LSAMP: variants seen among roughly 807,000 people sequenced by gnomAD.
The protein encoded by LSAMP is limbic system-associated membrane protein.
A neutral mutation model predicts 38.6 loss-of-function variants in LSAMP; 7 were observed. That is an observed-to-expected ratio of 0.18 (90% CI 0.10 to 0.34). The LOEUF is 0.34. Among genes scored for constraint, LSAMP ranks in the 10% least tolerant of loss-of-function variants. The pLI is 1.00. For synonymous variants in LSAMP, 154 were observed against 166.8 expected (o/e 0.92, Z 0.59); for missense variants, 313 against 420.0 (o/e 0.75, Z 2.23).
chr3:116,163,313 A>G (rs1412705607), intron 1 of LSAMP, among the ~76,000 whole-genome samples: 1 of 147,350 alleles, frequency 6.8e-6, no homozygotes, highest in African/African-American at 2.5e-5. Flanking sequence ...CCTATGAGTG[A>G]GAACATGTGG....
intron 2 of LSAMP, among the ~76,000 whole-genome samples, chr3:116,053,438 A>C (rs1941432525): frequency 1.3e-5 from 2 of 152,194 alleles, no homozygotes; most frequent in African/African-American, 4.8e-5. Context: ...GAATAAAAAC[A>C]ACAAGCTAAA....
intron 1 of LSAMP, among the ~76,000 whole-genome samples, chr3:116,400,178 C>T (rs1288106062): frequency 6.6e-6 from 1 of 152,062 alleles, no homozygotes; most frequent in Admixed American, 6.6e-5. Flanking sequence ...TTGCTTTGTA[C>T]TATTAGGCTT....
At chr3:116,258,010 C>T (rs2046773546) in intron 1 of LSAMP, among the ~76,000 whole-genome samples, 1 of 152,016 alleles carries the variant, frequency 6.6e-6, no homozygotes, top group African/African-American at 2.4e-5. Context: ...AATAACCAGG[C>T]AATTATCAGG....
At chr3:115,914,579 CA>C (rs1324078450) in intron 3 of LSAMP, among the ~76,000 whole-genome samples, 1 of 152,172 alleles carries the variant, frequency 6.6e-6, no homozygotes, top group Non-Finnish European at 1.5e-5. Flanking sequence ...ATTGTTTTAA[CA>C]AGTACCGGGA....
chr3:115,920,398 A>G (rs1937355652), intron 3 of LSAMP, among the ~76,000 whole-genome samples: 1 of 151,986 alleles, frequency 6.6e-6, no homozygotes, highest in Admixed American at 6.6e-5. Context: ...TAATATGACC[A>G]TTCCAACAAG....
intron 1 of LSAMP, among the ~76,000 whole-genome samples, chr3:116,138,463 A>G (rs1167064747): frequency 1.3e-5 from 2 of 151,996 alleles, no homozygotes; most frequent in Admixed American, 6.6e-5. Flanking sequence ...ACCTTAAGCA[A>G]TTTTCTAAAG....
intron 1 of LSAMP, among the ~76,000 whole-genome samples, chr3:116,322,972 G>A (rs943708296): frequency 1.3e-5 from 2 of 152,074 alleles, no homozygotes; most frequent in South Asian, 2.1e-4. Flanking sequence ...TGAACAATGT[G>A]ACAAAATATC....
At chr3:116,038,537 T>G (rs2107713660) in intron 2 of LSAMP, among the ~76,000 whole-genome samples, 1 of 152,318 alleles carries the variant, frequency 6.6e-6, no homozygotes, top group East Asian at 1.9e-4. Flanking sequence ...GATTTATTTC[T>G]TGAACCGTGG....
intron 1 of LSAMP, among the ~76,000 whole-genome samples, chr3:116,430,544 A>G (rs1195537796): frequency 6.6e-6 from 1 of 152,164 alleles, no homozygotes; most frequent in Non-Finnish European, 1.5e-5. Context: ...CTTAACAGGA[A>G]AGCCATTCCA....
rs1264516169 is a variant in LSAMP, at chr3:115,858,162, TCTCA to T, written c.515-5549_515-5546del. Among the ~76,000 whole-genome samples, 288 of 139,196 alleles carry T rather than the reference TCTCA, an allele frequency of 2.1e-3. 1 individual carries two copies. Among genetic ancestry groups the T allele is most frequent in the South Asian group, 5.4e-3 (23 of 4,282 alleles). The allele number at this position is 139,196 out of a possible 152,430, so 91.3% of individuals were successfully genotyped here. ...CTCTCTCTCTCTCTCTCTCTCTCTCTCTCACACACACACACCCCACAAAAAGCTA... is the reference window on the plus strand; with the variant it reads ...CTCTCTCTCTCTCTCTCTCTCTCTCTCACACACACACCCCACAAAAAGCTA... On this transcript the variant is annotated intron_variant, in intron 3 of 6. Transcript: ENST00000490035.
chr3:116,250,807 T>G (rs900843969), intron 1 of LSAMP, among the ~76,000 whole-genome samples: 4 of 152,078 alleles, frequency 2.6e-5, no homozygotes, highest in African/African-American at 9.7e-5. Context: ...AGGTGGAGGC[T>G]GCAGTAAGCA....
At chr3:116,143,385 A>G (rs903980066) in intron 1 of LSAMP, among the ~76,000 whole-genome samples, 1 of 152,010 alleles carries the variant, frequency 6.6e-6, no homozygotes, top group Non-Finnish European at 1.5e-5. Flanking sequence ...AGAATTAATA[A>G]GACCTACTAC....
intron 1 of LSAMP, among the ~76,000 whole-genome samples, chr3:116,089,284 C>T (rs545901881): frequency 1.3e-5 from 2 of 151,974 alleles, no homozygotes; most frequent in African/African-American, 2.4e-5. Flanking sequence ...GGGTTTTATC[C>T]GTATTTATTT....
In LSAMP at chr3:116,010,328, T is replaced by C. The variant is rs187265422; in HGVS notation, c.514+9187A>G. ...AGACTCTGTTCTTTAAGTGTAAGCT[T>C]TAAGCAGGTTGCAACAGAGTCTGAC... On this transcript the variant is annotated intron_variant, in intron 3 of 6. Transcript: ENST00000490035. Among the ~76,000 whole-genome samples, 252 of 152,348 alleles carry C rather than the reference T, an allele frequency of 1.7e-3. 1 individual carries two copies. The highest frequency in any genetic ancestry group is 5.9e-3 in the African/African-American group (246 of 41,586).
intron 3 of LSAMP, among the ~76,000 whole-genome samples, chr3:115,982,197 G>A (rs1231620124): frequency 2.6e-5 from 4 of 152,184 alleles, no homozygotes; most frequent in Non-Finnish European, 5.9e-5. Context: ...ATTGATGAAT[G>A]AGAATAACAC....
At chr3:116,203,042 C>T (rs574045753) in intron 1 of LSAMP, among the ~76,000 whole-genome samples, 106 of 152,250 alleles carry the variant, frequency 7.0e-4, no homozygotes, top group African/African-American at 2.5e-3. Context: ...GTGTTTAAAT[C>T]CTCTAGTTTT....
At chr3:116,276,790 G>A (rs1431249760) in intron 1 of LSAMP, among the ~76,000 whole-genome samples, 1 of 152,104 alleles carries the variant, frequency 6.6e-6, no homozygotes, top group Non-Finnish European at 1.5e-5. Flanking sequence ...CAACCACATG[G>A]GGCTGGCCCA....
intron 1 of LSAMP, among the ~76,000 whole-genome samples, chr3:116,389,285 C>T (rs2048663908): frequency 1.3e-5 from 2 of 151,998 alleles, no homozygotes; most frequent in Non-Finnish European, 2.9e-5. Context: ...GTAGAATAGG[C>T]AAAAGATGAT....
chr3:116,269,247 A>T (rs992941370), intron 1 of LSAMP, among the ~76,000 whole-genome samples: 1 of 152,102 alleles, frequency 6.6e-6, no homozygotes, highest in African/African-American at 2.4e-5. Flanking sequence ...TTGTGATAAT[A>T]AGCAAGATTT....
Sources: gnomAD v4.1 joint callset for allele counts (sites outside exome capture counted in the v4.1 genomes callset) on GRCh38, gnomAD v4.1.1 for gene constraint, MANE v1.5 for transcripts, NCBI Gene and HGNC (gene_info 2026-07-23, HGNC 2026-07-21) for gene names.